The following EPHA6 variants were observed in gnomAD, a reference collection of about 807,000 sequenced individuals.
EPHA6 encodes the protein EPH receptor A6, also known as ephrin type-A receptor 6.
Under a neutral mutation model 112.0 loss-of-function variants are expected in EPHA6, and 50 were observed. The ratio of observed to expected loss-of-function variants is 0.45; its 90% CI spans 0.36 to 0.56. EPHA6 has a LOEUF of 0.56. EPHA6 is among the 20% of genes least tolerant of loss of function. EPHA6 has a pLI of 0.00. For synonymous variants in EPHA6, 529 were observed against 490.7 expected (o/e 1.08, Z -1.03); for missense variants, 1,280 against 1,417.4 (o/e 0.90, Z 1.56).
chr3:96,946,935 G>C (rs958703668), intron 2 of EPHA6, among the ~76,000 whole-genome samples: 1 of 151,998 alleles, frequency 6.6e-6, no homozygotes. Flanking sequence ...GTGATGATGA[G>C]CATTTTTTCA....
At position 97,758,067 on chromosome 3, in the gene EPHA6, A is replaced by G. The variant is rs1559655335; in HGVS notation, c.*9366A>G. On this transcript the variant is annotated 3_prime_UTR_variant, in exon 18 of 18. Coordinates refer to ENST00000389672, the MANE Select transcript of EPHA6 (RefSeq NM_001080448.3). Reference sequence around the variant, plus strand: ...CTGGATGTTATAAATTCAAAAAAAGAACATATATTTTTTATAGTTACTTCT... The same window carrying G: ...CTGGATGTTATAAATTCAAAAAAAGGACATATATTTTTTATAGTTACTTCT... 6.6e-6 allele frequency among the ~76,000 whole-genome samples: 1 copy of G among 151,968 alleles called. No individual in the cohort carries two copies. Among genetic ancestry groups the G allele is most frequent in the Non-Finnish European group, 1.5e-5 (1 of 67,826 alleles).
chr3:97,512,941 G>A (rs996329101), intron 10 of EPHA6, among the ~76,000 whole-genome samples: 4 of 152,084 alleles, frequency 2.6e-5, no homozygotes, highest in African/African-American at 9.7e-5. Flanking sequence ...CTCCCATACT[G>A]GGGTAAATGA....
chr3:97,200,227 T>C (rs921293459), intron 3 of EPHA6, among the ~76,000 whole-genome samples: 4 of 152,118 alleles, frequency 2.6e-5, no homozygotes, highest in Non-Finnish European at 4.4e-5. Flanking sequence ...CTTTGCATTT[T>C]ACATTTTGAG....
chr3:96,943,206 T>C (rs1478430866), intron 2 of EPHA6, among the ~76,000 whole-genome samples: 1 of 152,104 alleles, frequency 6.6e-6, no homozygotes, highest in Admixed American at 6.6e-5. Flanking sequence ...TTTGTATATA[T>C]ATATTTTTTT....
At chr3:97,349,870 A>T (rs566546625) in intron 5 of EPHA6, among the ~76,000 whole-genome samples, 3 of 152,172 alleles carry the variant, frequency 2.0e-5, no homozygotes, top group Non-Finnish European at 4.4e-5. Context: ...AAAAATTTTT[A>T]AAAAATGCTG....
intron 10 of EPHA6, among the ~76,000 whole-genome samples, chr3:97,522,086 T>C (rs552341384): frequency 6.6e-6 from 1 of 151,692 alleles, no homozygotes; most frequent in East Asian, 1.9e-4. Context: ...CACCCAGTTA[T>C]TTTTTGTTTT....
At chr3:96,831,227 C>T (rs2034055798) in intron 1 of EPHA6, among the ~76,000 whole-genome samples, 1 of 151,862 alleles carries the variant, frequency 6.6e-6, no homozygotes, top group African/African-American at 2.4e-5. Flanking sequence ...CATTTATCAC[C>T]TGTTTATTAA....
Position 96,814,606 on chromosome 3 carries a change from A to G in EPHA6, c.-18A>G, listed in dbSNP as rs752220266. ...GGCCCAAGTGAATAGTCCTCGCGCAAGCGGGACACTGTGGTGGATGCAATT... is the reference window on the plus strand; with the variant it reads ...GGCCCAAGTGAATAGTCCTCGCGCAGGCGGGACACTGTGGTGGATGCAATT... On this transcript the variant is annotated 5_prime_UTR_variant, in exon 1 of 18. Transcript: ENST00000389672. 7.2e-7 allele frequency: 1 copy of G among 1,381,260 alleles called. No homozygotes were observed. The highest frequency in any genetic ancestry group is 2.6e-5 in the East Asian group (1 of 38,300). 85.6% of individuals were successfully genotyped at this position (1,381,260 alleles called of 1,614,324 possible).
At chr3:96,984,855 T>A (rs759489697) in intron 2 of EPHA6, among the ~76,000 whole-genome samples, 42 of 152,334 alleles carry the variant, frequency 2.8e-4, no homozygotes, top group Non-Finnish European at 4.0e-4. Flanking sequence ...AAGCCAGGTG[T>A]GGGATATAAT....
At chr3:97,148,879 A>G (rs2076103760) in intron 3 of EPHA6, among the ~76,000 whole-genome samples, 1 of 152,114 alleles carries the variant, frequency 6.6e-6, no homozygotes, top group South Asian at 2.1e-4. Flanking sequence ...GTGGGCAAGC[A>G]TACGTTTGTT....
At chr3:97,441,465 C>T in intron 6 of EPHA6, 2 of 970,860 alleles carry the variant, frequency 2.1e-6, no homozygotes, top group Non-Finnish European at 2.4e-6. Flanking sequence ...TAGACATCTG[C>T]CAAAAATGTA....
chr3:96,899,076 G>A lies in EPHA6; in HGVS notation c.450+32187G>A, dbSNP rs570901717. Among the ~76,000 whole-genome samples the A allele has an allele frequency of 2.1e-4, 32 of 151,222 alleles. 1 individual carries two copies. The highest frequency in any genetic ancestry group is 7.8e-4 in the African/African-American group (32 of 41,224). ...AACAAAAAAAAAACAGGAATTTATT[G>A]CCTCACAGTTCTAGAGGCCAAGAGT... On this transcript the variant is annotated intron_variant, in intron 2 of 17. Coordinates refer to ENST00000389672, the MANE Select transcript of EPHA6 (RefSeq NM_001080448.3).
At position 96,982,436 on chromosome 3, in the gene EPHA6, C is replaced by G. The variant is rs545052444; in HGVS notation, c.451-4894C>G. On this transcript the variant is annotated intron_variant, in intron 2 of 17. Coordinates refer to ENST00000389672, the MANE Select transcript of EPHA6 (RefSeq NM_001080448.3). Reference sequence around the variant, plus strand: ...TCTGAGAGACAGTTTGTTATAATTTCTGTTCTTTTACATTTGCTGAGGAGT... The same window carrying G: ...TCTGAGAGACAGTTTGTTATAATTTGTGTTCTTTTACATTTGCTGAGGAGT... 9.5e-4 allele frequency among the ~76,000 whole-genome samples: 145 copies of G among 152,186 alleles called. 2 individuals carry two copies. Among genetic ancestry groups the G allele is most frequent in the African/African-American group, 3.0e-3 (123 of 41,480 alleles).
intron 2 of EPHA6, among the ~76,000 whole-genome samples, chr3:96,879,992 A>G (rs763002422): frequency 2.0e-5 from 3 of 152,058 alleles, no homozygotes; most frequent in Admixed American, 6.6e-5. Flanking sequence ...AAAACTACCT[A>G]TTGGGTACAA....
intron 14 of EPHA6, among the ~76,000 whole-genome samples, chr3:97,680,922 A>C (rs1208125432): frequency 3.3e-5 from 5 of 152,192 alleles, no homozygotes; most frequent in African/African-American, 1.2e-4. Flanking sequence ...AAATCTATCA[A>C]GCAGTTTTTA....
intron 8 of EPHA6, among the ~76,000 whole-genome samples, chr3:97,478,055 G>A (rs2091428224): frequency 6.6e-6 from 1 of 151,984 alleles, no homozygotes; most frequent in South Asian, 2.1e-4. Context: ...TATGTTTATG[G>A]AGGGAGTAAT....
intron 13 of EPHA6, among the ~76,000 whole-genome samples, chr3:97,636,001 A>AT (rs2093941665): frequency 6.6e-6 from 1 of 152,098 alleles, no homozygotes; most frequent in Non-Finnish European, 1.5e-5. Context: ...AAAAACACAT[A>AT]TAATAACAGT....
At chr3:97,437,907 T>C (rs570370177) in intron 6 of EPHA6, among the ~76,000 whole-genome samples, 1 of 152,290 alleles carries the variant, frequency 6.6e-6, no homozygotes, top group South Asian at 2.1e-4. Context: ...TTAAATGTTT[T>C]GCTCTCTGCT....
chr3:97,410,887 A>G (rs950498740), intron 6 of EPHA6, among the ~76,000 whole-genome samples: 7 of 152,084 alleles, frequency 4.6e-5, no homozygotes, highest in East Asian at 1.9e-4. Flanking sequence ...CTATGTCTCT[A>G]TAACTGGCTA....
Sources: gnomAD v4.1 joint callset for allele counts (sites outside exome capture counted in the v4.1 genomes callset) on GRCh38, gnomAD v4.1.1 for gene constraint, MANE v1.5 for transcripts, NCBI Gene and HGNC (gene_info 2026-07-23, HGNC 2026-07-21) for gene names.